Variants in MTFR1 observed in about 807,000 individuals in gnomAD.
MTFR1 encodes chondrocyte protein with a poly-proline region.
Under a neutral mutation model 38.8 loss-of-function variants are expected in MTFR1, and 28 were observed. The ratio of observed to expected loss-of-function variants is 0.72; its 90% confidence interval spans 0.53 to 0.99. The LOEUF (loss-of-function observed/expected upper bound fraction) is 0.99. Ranked by LOEUF, MTFR1 falls within the 50% of genes least tolerant of loss-of-function variation. The pLI is 0.00. For synonymous variants in MTFR1, 145 were observed against 137.0 expected, an observed-to-expected ratio of 1.06 and a Z score of -0.41; for missense variants, 358 against 395.5, an observed-to-expected ratio of 0.91 and a Z score of 0.81.
At chr8:65,775,532 T>C (rs1809234847), downstream of MTFR1, among the ~76,000 whole-genome samples, 1 of 152,246 alleles carries the variant, frequency 6.6e-6, no homozygotes, top group Non-Finnish European at 1.5e-5. Context: ...TTTCAGAATT[T>C]GAAAAATTTC....
At chr8:65,737,012 G>A (rs1012134537) in intron 3 of MTFR1, among the ~76,000 whole-genome samples, 3 of 151,186 alleles carry the variant, frequency 2.0e-5, no homozygotes, top group Non-Finnish European at 4.4e-5. Context: ...CCTGGATGAG[G>A]TGGGAGGCTG....
chr8:65,715,679 C>A (rs1806104333), intron 2 of MTFR1, among the ~76,000 whole-genome samples: 1 of 141,568 alleles, frequency 7.1e-6, no homozygotes, highest in African/African-American at 2.5e-5. Flanking sequence ...TGCCCGGCCA[C>A]AAAAATGTTC....
intron 3 of MTFR1, chr8:65,739,441 C>T: frequency 6.8e-7 from 1 of 1,480,110 alleles, no homozygotes. Flanking sequence ...TGAGATAAAA[C>T]TTAAACAGGT....
chr8:65,708,306 CTAAG>C (rs2129059979), intron 7 of MTFR1: 1 of 458,166 alleles, frequency 2.2e-6, no homozygotes, highest in African/African-American at 2.0e-5. Flanking sequence ...GAGCTCACTA[CTAAG>C]TAATCTCCAA....
In MTFR1 at chr8:65,645,025, C is replaced by T. The variant is rs1480703973; in HGVS notation, c.-81+241C>T. Among the ~76,000 whole-genome samples, 4 of 152,200 alleles carry T rather than the reference C, an allele frequency of 2.6e-5. No homozygotes were observed. In the East Asian group the frequency reaches 7.7e-4, roughly 29 times the overall value. On this transcript the variant is annotated intron_variant, in intron 1 of 7. Coordinates refer to ENST00000262146, the MANE Select transcript of MTFR1 (RefSeq NM_014637.4). ...GGGCTCCGGAGGAGCTGAGGGAAGT[C>T]GGCTGACTTGCCCTGAAGGCTGAGA...
At chr8:65,762,991 ATGTGTGTGTGTGTG>A (rs34371328) in intron 3 of MTFR1, among the ~76,000 whole-genome samples, 7,346 of 138,590 alleles carry the variant, frequency 0.053, 263 homozygotes, top group Non-Finnish European at 0.079. Context: ...TATAAAAACA[ATGTGTGTGTGTGTG>A]TGTGTGTGTG....
intron 3 of MTFR1, chr8:65,724,146 G>A (rs1159241167): frequency 2.8e-5 from 18 of 637,094 alleles, no homozygotes; most frequent in Admixed American, 1.3e-4. Flanking sequence ...TACTAAAAAT[G>A]TCAAGACTCT....
At chr8:65,750,933 C>T (rs181411349) in intron 3 of MTFR1, among the ~76,000 whole-genome samples, 1 of 152,280 alleles carries the variant, frequency 6.6e-6, no homozygotes, top group South Asian at 2.1e-4. Flanking sequence ...GATCACTCAT[C>T]ATGGAAGCCC....
chr8:65,715,138 T>C (rs1173906663), downstream of MTFR1, among the ~76,000 whole-genome samples: 1 of 152,208 alleles, frequency 6.6e-6, no homozygotes, highest in Non-Finnish European at 1.5e-5. Flanking sequence ...TTGCATTCTG[T>C]TCTGTAATAT....
At chr8:65,736,643 C>T (rs1034484927) in intron 3 of MTFR1, among the ~76,000 whole-genome samples, 19 of 151,380 alleles carry the variant, frequency 1.3e-4, no homozygotes, top group African/African-American at 4.4e-4. Flanking sequence ...CCTAGCTACT[C>T]GGGAGGCTGA....
intron 3 of MTFR1, chr8:65,724,794 T>G (rs1243353827): frequency 6.2e-7 from 1 of 1,606,688 alleles, no homozygotes; most frequent in Non-Finnish European, 8.5e-7. Context: ...ACCAAATGTC[T>G]GTGTCTGGTG....
intron 1 of MTFR1, among the ~76,000 whole-genome samples, chr8:65,656,274 C>T (rs545775134): frequency 3.8e-4 from 57 of 151,974 alleles, no homozygotes; most frequent in African/African-American, 1.3e-3. Context: ...GCGTTTACAC[C>T]ATAAGCATAG....
At chr8:65,655,957 T>A (rs1202103105) in intron 1 of MTFR1, among the ~76,000 whole-genome samples, 417 of 35,232 alleles carry the variant, frequency 0.012, 32 homozygotes, top group African/African-American at 0.11. Flanking sequence ...AAAAAATATA[T>A]ATATATATAT....
chr8:65,723,652 T>A (rs748609826), intron 3 of MTFR1: 2 of 1,424,106 alleles, frequency 1.4e-6, no homozygotes, highest in Non-Finnish European at 1.9e-6. Flanking sequence ...AGTATTAATA[T>A]GAAGAATATC....
chr8:65,763,658 T>C (rs181047007), intron 3 of MTFR1, among the ~76,000 whole-genome samples: 1 of 152,324 alleles, frequency 6.6e-6, no homozygotes, highest in African/African-American at 2.4e-5. Context: ...ATCCCTCTTA[T>C]GCTGAAACTC....
At chr8:65,705,552 A>G (rs146796922) in intron 5 of MTFR1, among the ~76,000 whole-genome samples, 61 of 152,312 alleles carry the variant, frequency 4.0e-4, no homozygotes, top group African/African-American at 1.4e-3. Flanking sequence ...TAATGGCACC[A>G]ACCATATCAG....
downstream of MTFR1, among the ~76,000 whole-genome samples, chr8:65,713,481 C>CACACACACACAA (rs1554552808): frequency 1.5e-5 from 2 of 129,690 alleles, no homozygotes; most frequent in East Asian, 4.0e-4. Context: ...CACACACACA[C>CACACACACACAA]ACAAACAAAA....
chr8:65,647,072 G>T (rs1194904201), intron 1 of MTFR1, among the ~76,000 whole-genome samples: 1 of 152,178 alleles, frequency 6.6e-6, no homozygotes, highest in Non-Finnish European at 1.5e-5. Context: ...TAAACTTAAT[G>T]AGCAAAGAAG....
rs1010666407 is a variant in MTFR1 at position 65,706,893 on chromosome 8, G to A, written c.518-117G>A. 41 of 1,151,362 alleles carry A rather than the reference G, an allele frequency of 3.6e-5. No individual in the cohort carries two copies. The African/African-American group carries it at 4.3e-4, about 12-fold the overall frequency. The allele number at this position is 1,151,362 out of a possible 1,614,324, so 71.3% of individuals were successfully genotyped here. On this transcript the variant is annotated intron_variant, in intron 5 of 7. Transcript: ENST00000262146. ...GTCTTGCTTCTTACATAACTGAAAC[G>A]TTAAGAATATTGTTTTTAGGGGTAC...
Sources: allele counts gnomAD v4.1 joint callset (sites outside exome capture counted in the v4.1 genomes callset), GRCh38; gene constraint gnomAD v4.1.1; transcripts MANE v1.5; gene names NCBI Gene and HGNC (gene_info 2026-07-23, HGNC 2026-07-21).